DNAH9: variants seen among roughly 807,000 people sequenced by gnomAD.
DNAH9 encodes the protein DNAH9 variant protein.
In DNAH9, 345 loss-of-function variants were observed where a neutral mutation model predicts 471.6. The observed-to-expected ratio is 0.73, with a 90% CI of 0.67 to 0.80. The LOEUF is 0.80. Among genes scored for constraint, DNAH9 ranks in the 30% least tolerant of loss-of-function variants. The pLI is 0.00. For missense variants in DNAH9, 5,407 were observed against 5,609.2 expected, an observed-to-expected ratio of 0.96 and a Z score of 1.15; for synonymous variants, 2,093 against 2,123.6, an observed-to-expected ratio of 0.99 and a Z score of 0.40.
intron 35 of DNAH9, among the ~76,000 whole-genome samples, chr17:11,762,770 G>GTTTTGTTTTTTTTTTTTT (rs1967747335): frequency 1.1e-5 from 1 of 90,744 alleles, no homozygotes; most frequent in East Asian, 3.3e-4. Flanking sequence ...TTTTTTTTTT[G>GTTTTGTTTTTTTTTTTTT]TTTTTTTTTT....
chr17:11,949,696 G>T (rs1975290136), intron 67 of DNAH9, among the ~76,000 whole-genome samples: 1 of 152,096 alleles, frequency 6.6e-6, no homozygotes, highest in Non-Finnish European at 1.5e-5. Flanking sequence ...GGTCAGGCTG[G>T]TCTCAAACTC....
intron 26 of DNAH9, among the ~76,000 whole-genome samples, chr17:11,706,158 G>C (rs180676646): frequency 6.6e-6 from 1 of 152,244 alleles, no homozygotes; most frequent in East Asian, 1.9e-4. Flanking sequence ...TAGTATATAA[G>C]TGCTCAGTAA....
At chr17:11,779,900 T>G (rs1447304427) in intron 38 of DNAH9, among the ~76,000 whole-genome samples, 8 of 152,226 alleles carry the variant, frequency 5.3e-5, no homozygotes, top group South Asian at 2.1e-4. Flanking sequence ...TATTCGAGCT[T>G]CTTGAAGGAA....
At chr17:11,728,883 T>C (rs2075205763) in intron 28 of DNAH9, among the ~76,000 whole-genome samples, 1 of 152,198 alleles carries the variant, frequency 6.6e-6, no homozygotes, top group African/African-American at 2.4e-5. Flanking sequence ...ATCTTGTCCA[T>C]GGGTAGACTT....
intron 36 of DNAH9, among the ~76,000 whole-genome samples, chr17:11,766,019 C>T (rs531205527): frequency 6.6e-6 from 1 of 152,242 alleles, no homozygotes; most frequent in Non-Finnish European, 1.5e-5. Context: ...GAGAAAGCAT[C>T]CCTCCAGGCG....
At chr17:11,615,382 T>G (rs1398475503) in intron 4 of DNAH9, among the ~76,000 whole-genome samples, 2 of 151,930 alleles carry the variant, frequency 1.3e-5, no homozygotes, top group Admixed American at 1.3e-4. Context: ...GTCAGGAGTT[T>G]GAGACCAGCC....
chr17:11,710,281 GTTAT>G (rs1428449941), intron 26 of DNAH9, among the ~76,000 whole-genome samples: 10 of 152,114 alleles, frequency 6.6e-5, no homozygotes, highest in African/African-American at 1.9e-4. Context: ...CATATTATGG[GTTAT>G]TTAAGTTACA....
intron 17 of DNAH9, 29 bp downstream of exon 17, chr17:11,669,823 G>C: frequency 1.9e-6 from 3 of 1,582,586 alleles, no homozygotes; most frequent in Non-Finnish European, 2.6e-6. Flanking sequence ...CTTTCTTCCA[G>C]CATGCTAGGC....
At chr17:11,807,997 C>A in intron 44 of DNAH9, 103 bp downstream of exon 44, 1 of 1,288,124 alleles carries the variant, frequency 7.8e-7, no homozygotes, top group African/African-American at 1.5e-5. Flanking sequence ...CTGGAGCCTC[C>A]CCTTCAATGT....
intron 26 of DNAH9, among the ~76,000 whole-genome samples, chr17:11,708,014 CAGAGAGAG>C (rs34314090): frequency 7.3e-4 from 38 of 52,196 alleles, no homozygotes; most frequent in South Asian, 3.7e-3. Context: ...CACACACACA[CAGAGAGAG>C]AGAGAGAGAG....
At chr17:11,807,202 C>T (rs573329566) in intron 43 of DNAH9, among the ~76,000 whole-genome samples, 3 of 152,312 alleles carry the variant, frequency 2.0e-5, no homozygotes, top group African/African-American at 7.2e-5. Flanking sequence ...AGAAGGGAGA[C>T]AGAAGAGTTC....
At chr17:11,902,571 T>C in intron 59 of DNAH9, 148 bp from the exon 60 acceptor site, 1 of 777,748 alleles carries the variant, frequency 1.3e-6, no homozygotes, top group Non-Finnish European at 2.0e-6. Context: ...TTCTTGATTT[T>C]TCCTGGGGGA....
intron 28 of DNAH9, among the ~76,000 whole-genome samples, chr17:11,734,771 A>T (rs2075318700): frequency 6.6e-6 from 1 of 152,180 alleles, no homozygotes; most frequent in Non-Finnish European, 1.5e-5. Context: ...TCCTGTACAA[A>T]CCAGGCTAAC....
chr17:11,858,010 C>A (rs542144766), intron 50 of DNAH9, among the ~76,000 whole-genome samples: 1 of 152,126 alleles, frequency 6.6e-6, no homozygotes, highest in East Asian at 1.9e-4. Flanking sequence ...TCAGGTATTT[C>A]TTTATAGCAA....
In DNAH9 at chr17:11,708,053, A is replaced by AGAGC. The variant is rs1555570538; in HGVS notation, c.5552+2869_5552+2872dup. Among the ~76,000 whole-genome samples the AGAGC allele has an allele frequency of 2.4e-4, 36 of 147,912 alleles. No individual in the cohort carries two copies. The East Asian group carries it at 4.6e-3, about 19-fold the overall frequency. ...GAGAGAGAGAGAGAGAGAGAGAGAGAGAGCAGGTAACCCTGACAGAGCCTC... is the reference window on the plus strand; with the variant it reads ...GAGAGAGAGAGAGAGAGAGAGAGAGAGAGCGAGCAGGTAACCCTGACAGAGCCTC... On this transcript the variant is annotated intron_variant, in intron 26 of 68. Transcript: ENST00000262442.
chr17:11,734,442 C>T (rs978555345), intron 28 of DNAH9, among the ~76,000 whole-genome samples: 2 of 152,318 alleles, frequency 1.3e-5, no homozygotes, highest in Non-Finnish European at 2.9e-5. Flanking sequence ...ATGGTTCACA[C>T]GTTCAGCAAA....
At chr17:11,804,026 C>T (rs1373884800) in intron 43 of DNAH9, among the ~76,000 whole-genome samples, 1 of 152,234 alleles carries the variant, frequency 6.6e-6, no homozygotes, top group Non-Finnish European at 1.5e-5. Context: ...TCATATAAGG[C>T]ATGGGTTGTT....
At position 11,719,322 on chromosome 17, in the gene DNAH9, C is replaced by G; in HGVS notation, c.5553-12C>G. 1 of 1,613,082 alleles carries G rather than the reference C, an allele frequency of 6.2e-7. No homozygotes were observed. Among genetic ancestry groups the G allele is most frequent in the African/African-American group, 1.3e-5 (1 of 75,020 alleles). ...CCAAGAATGATGACCTATGCCCTCC[C>G]GTGTTTGGCAGGTGCTACATCACCC... On this transcript the variant is annotated splice_polypyrimidine_tract_variant and intron_variant, in intron 26 of 68. Transcript: ENST00000262442.
intron 17 of DNAH9, among the ~76,000 whole-genome samples, chr17:11,678,376 A>C (rs2074082003): frequency 6.6e-6 from 1 of 152,238 alleles, no homozygotes; most frequent in Admixed American, 6.5e-5. Context: ...TGACTGAGGT[A>C]TATCCCATTA....
Sources: gnomAD v4.1 joint callset for allele counts (sites outside exome capture counted in the v4.1 genomes callset) on GRCh38, gnomAD v4.1.1 for gene constraint, MANE v1.5 for transcripts, NCBI Gene and HGNC (gene_info 2026-07-23, HGNC 2026-07-21) for gene names.